Variants in PHTF1 observed in about 807,000 individuals in gnomAD.
PHTF1 encodes protein PHTF1.
A neutral mutation model predicts 102.4 loss-of-function variants in PHTF1; 88 were observed. The ratio of observed to expected loss-of-function variants is 0.86; its 90% CI spans 0.72 to 1.03. The LOEUF is 1.03. Ranked by LOEUF, PHTF1 falls within the 50% of genes least tolerant of loss-of-function variation. The pLI, the probability that PHTF1 is intolerant of heterozygous loss-of-function variation, is 0.00. For synonymous variants in PHTF1, 289 were observed against 305.2 expected, an observed-to-expected ratio of 0.95 and a Z score of 0.55; for missense variants, 814 against 909.5, an observed-to-expected ratio of 0.89 and a Z score of 1.35.
chr1:113,730,946 T>C (rs1267830426), intron 5 of PHTF1, among the ~76,000 whole-genome samples: 1 of 152,216 alleles, frequency 6.6e-6, no homozygotes, highest in Non-Finnish European at 1.5e-5. Flanking sequence ...TCTGCTTATA[T>C]GATGTTCCCA....
chr1:113,697,637 C>T lies in PHTF1; in HGVS notation c.*68G>A. 8.9e-7 allele frequency: 1 copy of T among 1,117,808 alleles called. No homozygotes were observed. The highest frequency in any genetic ancestry group is 1.4e-6 in the Non-Finnish European group (1 of 731,444). 69.2% of individuals were successfully genotyped at this position (1,117,808 alleles called of 1,614,324 possible). On this transcript the variant is annotated 3_prime_UTR_variant, in exon 19 of 19. Transcript: ENST00000369604. ...CAGGTGGGTATCTCACTGGTTTCTGCAGTCATCACTTTCCTTGATAGGTAA... is the reference window on the plus strand; with the variant it reads ...CAGGTGGGTATCTCACTGGTTTCTGTAGTCATCACTTTCCTTGATAGGTAA...
At chr1:113,758,533 T>TTAAA in intron 2 of PHTF1, 126 bp downstream of exon 2, 1 of 411,182 alleles carries the variant, frequency 2.4e-6, no homozygotes, top group Non-Finnish European at 4.2e-6. Context: ...TTTTTTTTCA[T>TTAAA]TTATGTTGAA....
chr1:113,722,055 T>A (rs1276063562), intron 7 of PHTF1, among the ~76,000 whole-genome samples: 1 of 152,110 alleles, frequency 6.6e-6, no homozygotes, highest in Non-Finnish European at 1.5e-5. Flanking sequence ...TCAAGAAAGT[T>A]ACACGATTTC....
At chr1:113,711,260 C>T (rs1651052035) in intron 10 of PHTF1, among the ~76,000 whole-genome samples, 1 of 152,090 alleles carries the variant, frequency 6.6e-6, no homozygotes, top group Admixed American at 6.5e-5. Context: ...TCCATGACCA[C>T]AATTGCCTTA....
Position 113,710,426 on chromosome 1 carries a change from C to G in PHTF1, c.1097G>C (p.Arg366Thr). The change falls in exon 11 of 19, where the codon AGA (arginine) becomes ACA (threonine). Residue 366 changes from arginine to threonine, a missense_variant. Arg to Thr is a moderately conservative substitution (Grantham distance 71). Coordinates refer to ENST00000369604, the MANE Select transcript of PHTF1 (RefSeq NM_001323043.2). ...SGGSRSLNMS[R>T]RDSESTRHDS... ...ATGGCGGGTGCTTTCTGAGTCTCTTCTTGACATGTTGAGGCTTCGAGAGCC... is the reference window on the plus strand; with the variant it reads ...ATGGCGGGTGCTTTCTGAGTCTCTTGTTGACATGTTGAGGCTTCGAGAGCC... The G allele has an allele frequency of 6.2e-7, 1 of 1,614,100 alleles. No homozygotes were observed. Among genetic ancestry groups the G allele is most frequent in the Non-Finnish European group, 8.5e-7 (1 of 1,180,016 alleles).
At chr1:113,732,843 T>C (rs75556134) in intron 5 of PHTF1, among the ~76,000 whole-genome samples, 5 of 152,194 alleles carry the variant, frequency 3.3e-5, no homozygotes, top group Admixed American at 2.6e-4. Flanking sequence ...AGGAAATTCA[T>C]ATTCAACAAG....
At chr1:113,699,208 AC>A (rs1649171227) in intron 17 of PHTF1, 1 of 207,644 alleles carries the variant, frequency 4.8e-6, no homozygotes, top group Non-Finnish European at 9.7e-6. Context: ...GCTGCCAGTC[AC>A]CTTGCAAGGG....
At chr1:113,697,969 A>T (rs1344173126) in intron 18 of PHTF1, among the ~76,000 whole-genome samples, 1 of 152,230 alleles carries the variant, frequency 6.6e-6, no homozygotes, top group Non-Finnish European at 1.5e-5. Context: ...CCAGGATCAG[A>T]GTAAGACCAT....
intron 7 of PHTF1, among the ~76,000 whole-genome samples, chr1:113,715,814 C>T (rs889389029): frequency 8.1e-5 from 12 of 148,548 alleles, no homozygotes; most frequent in Non-Finnish European, 1.8e-4. Context: ...AAAAATGCAA[C>T]TGACATACTG....
At chr1:113,729,677 C>A (rs1186020105) in intron 5 of PHTF1, among the ~76,000 whole-genome samples, 1 of 152,120 alleles carries the variant, frequency 6.6e-6, no homozygotes, top group Non-Finnish European at 1.5e-5. Flanking sequence ...TTGTGCCAGG[C>A]CTGATAGTTT....
chr1:113,727,441 C>G (rs960778637), intron 5 of PHTF1, among the ~76,000 whole-genome samples: 6 of 152,160 alleles, frequency 3.9e-5, no homozygotes, highest in African/African-American at 1.4e-4. Flanking sequence ...AAACCAGTAC[C>G]TGGAGCACAG....
rs1659264194 is a variant in PHTF1, at chr1:113,758,725, G to A, written c.-22C>T. ...CCATCTGTGTCTCCAGCCAGAGAAT[G>A]GGATTTCACTGAAAATGAAGGAAAA... is the stretch of plus-strand genomic sequence containing the variant. On this transcript the variant is annotated 5_prime_UTR_variant, in exon 2 of 19. Transcript: ENST00000369604. 6.2e-7 allele frequency: 1 copy of A among 1,607,350 alleles called. No homozygotes were observed. Among genetic ancestry groups the A allele is most frequent in the Non-Finnish European group, 8.5e-7 (1 of 1,176,994 alleles).
intron 5 of PHTF1, among the ~76,000 whole-genome samples, chr1:113,731,982 T>C (rs1423549891): frequency 6.6e-6 from 1 of 151,384 alleles, no homozygotes; most frequent in East Asian, 1.9e-4. Context: ...GAGAATGTTG[T>C]AAAGAAGTCA....
chr1:113,728,052 G>A (rs185190341), intron 5 of PHTF1, among the ~76,000 whole-genome samples: 20 of 152,276 alleles, frequency 1.3e-4, no homozygotes, highest in African/African-American at 4.6e-4. Context: ...TCACAACACT[G>A]CACTCCAGCC....
intron 5 of PHTF1, 23 bp from the exon 6 acceptor site, chr1:113,726,597 TG>T: frequency 4.9e-6 from 7 of 1,427,220 alleles, no homozygotes; most frequent in Non-Finnish European, 6.7e-6. Flanking sequence ...GGTTTTAAGA[TG>T]TAAAACATTA....
At chr1:113,743,464 G>A (rs547526485) in intron 3 of PHTF1, among the ~76,000 whole-genome samples, 1 of 151,932 alleles carries the variant, frequency 6.6e-6, no homozygotes, top group African/African-American at 2.4e-5. Context: ...ACAGTTAACT[G>A]ATTTTTTTTT....
chr1:113,717,115 G>C (rs1362216109), intron 7 of PHTF1, among the ~76,000 whole-genome samples: 1 of 152,060 alleles, frequency 6.6e-6, no homozygotes, highest in Non-Finnish European at 1.5e-5. Context: ...GCTGGTTTAT[G>C]AGTTTGTTTG....
intron 8 of PHTF1, among the ~76,000 whole-genome samples, 188 bp downstream of exon 8, chr1:113,713,091 T>C (rs1381943084): frequency 6.6e-6 from 1 of 152,174 alleles, no homozygotes; most frequent in Non-Finnish European, 1.5e-5. Flanking sequence ...TAATAACAAG[T>C]CCAGTACTAT....
intron 7 of PHTF1, among the ~76,000 whole-genome samples, chr1:113,723,595 C>G (rs760398243): frequency 3.3e-5 from 5 of 152,104 alleles, no homozygotes; most frequent in Non-Finnish European, 5.9e-5. Context: ...GAAACTAGAC[C>G]CTTATCTCTC....
Sources: gnomAD v4.1 joint callset for allele counts (sites outside exome capture counted in the v4.1 genomes callset) on GRCh38, gnomAD v4.1.1 for gene constraint, MANE v1.5 for transcripts, NCBI Gene and HGNC (gene_info 2026-07-23, HGNC 2026-07-21) for gene names.